ACTR3C: variants seen among roughly 807,000 people sequenced by gnomAD.
ACTR3C encodes the protein actin related protein 3C.
ACTR3C carries 18 observed loss-of-function variants against 26.3 expected under a neutral mutation model. The observed-to-expected ratio is 0.68, with a 90% CI of 0.47 to 1.01. ACTR3C has a LOEUF of 1.01. Ranked by LOEUF, ACTR3C falls within the 50% of genes least tolerant of loss-of-function variation. The pLI, the probability that ACTR3C is intolerant of heterozygous loss-of-function variation, is 0.00. For missense variants in ACTR3C, 184 were observed against 250.7 expected (o/e 0.73, Z 1.80); for synonymous variants, 55 against 94.5 (o/e 0.58, Z 2.42).
chr7:150,082,072 G>A, the ACTR3C span, among the ~76,000 whole-genome samples: 3 of 152,184 alleles, frequency 2.0e-5, no homozygotes, highest in African/African-American at 7.2e-5. Flanking sequence ...CCTATGTAAT[G>A]TCATGGCAAC....
chr7:150,245,292 T>TAACC, downstream of ACTR3C: 2 of 152,232 alleles, frequency 1.3e-5, no homozygotes, highest in Admixed American at 1.3e-4. Flanking sequence ...CCATGATAGG[T>TAACC]TATCTTACGC....
chr7:150,041,836 G>A, the ACTR3C span, among the ~76,000 whole-genome samples: 8 of 137,072 alleles, frequency 5.8e-5, no homozygotes, highest in East Asian at 1.1e-3. Flanking sequence ...AGCCAGGGGT[G>A]GAAGAGGGGA....
the ACTR3C span, among the ~76,000 whole-genome samples, chr7:150,180,139 A>T: frequency 6.7e-6 from 1 of 149,974 alleles, no homozygotes; most frequent in African/African-American, 2.5e-5. Context: ...CCCCATCTCT[A>T]CTAAAAATAC....
At chr7:150,235,273 C>A in the ACTR3C span, among the ~76,000 whole-genome samples, 3 of 152,232 alleles carry the variant, frequency 2.0e-5, no homozygotes, top group African/African-American at 7.2e-5. Context: ...CAAGACAACA[C>A]AATAGATTAC....
At chr7:150,116,929 A>G in the ACTR3C span, among the ~76,000 whole-genome samples, 1 of 151,672 alleles carries the variant, frequency 6.6e-6, no homozygotes, top group Admixed American at 6.6e-5. Context: ...CAGCCCATGG[A>G]GGGTGAGCAG....
At chr7:149,925,763 A>G in the ACTR3C span, among the ~76,000 whole-genome samples, 1 of 152,208 alleles carries the variant, frequency 6.6e-6, no homozygotes, top group East Asian at 1.9e-4. Flanking sequence ...CATTAAAAAA[A>G]AGAAAAAAAA....
the ACTR3C span, among the ~76,000 whole-genome samples, chr7:150,191,264 A>T: frequency 1.3e-5 from 2 of 152,208 alleles, no homozygotes; most frequent in African/African-American, 4.8e-5. Context: ...TCACTTTGAG[A>T]TTTCAATTCA....
chr7:150,164,260 G>A, the ACTR3C span, among the ~76,000 whole-genome samples: 3 of 152,188 alleles, frequency 2.0e-5, no homozygotes, highest in Non-Finnish European at 4.4e-5. Flanking sequence ...CCTGCCTGCC[G>A]GGCTGAGCAT....
the ACTR3C span, among the ~76,000 whole-genome samples, chr7:150,123,790 G>A: frequency 6.6e-6 from 1 of 152,202 alleles, no homozygotes; most frequent in African/African-American, 2.4e-5. Flanking sequence ...CAGCTTAGAA[G>A]AAGTATGCAG....
chr7:150,116,757 A>G, the ACTR3C span, among the ~76,000 whole-genome samples: 1 of 152,226 alleles, frequency 6.6e-6, no homozygotes, highest in East Asian at 1.9e-4. Flanking sequence ...AATGGTTGTT[A>G]GAATAAACAG....
chr7:149,904,062 G>T, the ACTR3C span, among the ~76,000 whole-genome samples: 1 of 124,732 alleles, frequency 8.0e-6, no homozygotes, highest in African/African-American at 2.5e-5. Context: ...TGGGATTACA[G>T]GTGTGAGCCA....
the ACTR3C span, among the ~76,000 whole-genome samples, chr7:150,041,800 T>TCC: frequency 5.3e-5 from 5 of 94,594 alleles, no homozygotes; most frequent in African/African-American, 2.2e-4. Flanking sequence ...GGGGGGTGCC[T>TCC]CCCCCCCTGC....
chr7:150,095,757 T>C, the ACTR3C span, among the ~76,000 whole-genome samples: 1 of 150,548 alleles, frequency 6.6e-6, no homozygotes, highest in African/African-American at 2.5e-5. Flanking sequence ...ACAACTATTA[T>C]AGGCGACAAA....
At chr7:150,298,438 G>T (rs1186887099) in intron 1 of ACTR3C, among the ~76,000 whole-genome samples, 1 of 150,160 alleles carries the variant, frequency 6.7e-6, no homozygotes, top group East Asian at 1.9e-4. Context: ...CCGATTAAGA[G>T]ATGTGAAGTC....
chr7:150,114,578 CA>C, the ACTR3C span, among the ~76,000 whole-genome samples: 1 of 152,002 alleles, frequency 6.6e-6, no homozygotes, highest in South Asian at 2.1e-4. Flanking sequence ...TGTTAAAAAG[CA>C]ATTTTTTTAC....
At chr7:150,175,640 C>T in the ACTR3C span, among the ~76,000 whole-genome samples, 8 of 148,204 alleles carry the variant, frequency 5.4e-5, no homozygotes, top group African/African-American at 1.1e-4. Flanking sequence ...ATGGTGAAAC[C>T]GGGTCTCTAC....
At chr7:149,895,003 A>G in the ACTR3C span, among the ~76,000 whole-genome samples, 822 of 150,464 alleles carry the variant, frequency 5.5e-3, 6 homozygotes, top group African/African-American at 0.02. Flanking sequence ...CCATTAACGG[A>G]TGAACAGATA....
chr7:150,265,784 G>A (rs574364003), intron 6 of ACTR3C, among the ~76,000 whole-genome samples: 1 of 152,040 alleles, frequency 6.6e-6, no homozygotes, highest in African/African-American at 2.4e-5. Flanking sequence ...AACATTTCTG[G>A]TAGAGTGTTT....
At chr7:149,915,942 T>C in the ACTR3C span, among the ~76,000 whole-genome samples, 1 of 150,774 alleles carries the variant, frequency 6.6e-6, no homozygotes, top group Admixed American at 6.6e-5. Context: ...TATACAACCA[T>C]CAAAAATGAA....
Sources: gnomAD v4.1 joint callset for allele counts (sites outside exome capture counted in the v4.1 genomes callset) on GRCh38, gnomAD v4.1.1 for gene constraint, MANE v1.5 for transcripts, NCBI Gene and HGNC (gene_info 2026-07-23, HGNC 2026-07-21) for gene names.